Variants in PARD3B observed in about 807,000 individuals in gnomAD.
PARD3B encodes the protein partitioning defective 3 homolog B.
PARD3B carries 103 observed loss-of-function variants against 130.2 expected under a neutral mutation model. That is an observed-to-expected ratio of 0.79 (90% CI 0.67 to 0.93). The LOEUF is 0.93. Ranked by LOEUF, PARD3B falls within the 40% of genes least tolerant of loss-of-function variation. The probability of loss-of-function intolerance (pLI) is 0.00; values close to 1 mark genes in which losing one functional copy is unlikely to be tolerated. For synonymous variants in PARD3B, 583 were observed against 553.2 expected (o/e 1.05, Z -0.76); for missense variants, 1,609 against 1,499.2 (o/e 1.07, Z -1.21).
intron 3 of PARD3B, among the ~76,000 whole-genome samples, chr2:205,032,534 A>G (rs997030759): frequency 6.6e-6 from 1 of 152,120 alleles, no homozygotes; most frequent in South Asian, 2.1e-4. Context: ...TCTATACAGG[A>G]AAGAATCAGA....
intron 3 of PARD3B, among the ~76,000 whole-genome samples, chr2:205,005,206 A>C (rs1159245612): frequency 6.6e-6 from 1 of 152,046 alleles, no homozygotes; most frequent in Admixed American, 6.6e-5. Context: ...GAAAGTATAC[A>C]CACATGTACA....
chr2:205,492,100 C>A (rs558316872), intron 20 of PARD3B, among the ~76,000 whole-genome samples: 21 of 152,274 alleles, frequency 1.4e-4, no homozygotes, highest in Non-Finnish European at 2.8e-4. Context: ...CAAAGACACA[C>A]TTTTCAAAGT....
chr2:204,619,066 TCTGA>T (rs757609111), intron 1 of PARD3B, among the ~76,000 whole-genome samples: 1 of 152,204 alleles, frequency 6.6e-6, no homozygotes, highest in Non-Finnish European at 1.5e-5. Context: ...TGATTTTCTG[TCTGA>T]CTGTGCTCTT....
intron 2 of PARD3B, among the ~76,000 whole-genome samples, chr2:204,810,366 A>T (rs2042921424): frequency 6.6e-6 from 1 of 152,110 alleles, no homozygotes; most frequent in South Asian, 2.1e-4. Flanking sequence ...ATTCAGTATG[A>T]TGTTGGCTGT....
intron 21 of PARD3B, among the ~76,000 whole-genome samples, chr2:205,542,825 T>C (rs1301067106): frequency 6.6e-6 from 1 of 152,204 alleles, no homozygotes; most frequent in African/African-American, 2.4e-5. Context: ...AAATCTAAAT[T>C]GTTAGACTAT....
At chr2:205,482,074 C>G (rs917477161) in intron 20 of PARD3B, among the ~76,000 whole-genome samples, 12 of 152,032 alleles carry the variant, frequency 7.9e-5, no homozygotes, top group Non-Finnish European at 1.8e-4. Context: ...GCGAGCCACT[C>G]CGGGGATCAT....
chr2:204,577,515 A>C (rs534884108), intron 1 of PARD3B, among the ~76,000 whole-genome samples: 4 of 152,262 alleles, frequency 2.6e-5, no homozygotes, highest in Admixed American at 2.6e-4. Flanking sequence ...CTTCTGCTTC[A>C]GTACTTTCTC....
chr2:204,690,259 A>C (rs2037293320), intron 2 of PARD3B, among the ~76,000 whole-genome samples: 1 of 152,184 alleles, frequency 6.6e-6, no homozygotes, highest in African/African-American at 2.4e-5. Flanking sequence ...TACAGTAACT[A>C]CTTTTTTGCA....
At chr2:204,839,016 A>G (rs535823299) in intron 2 of PARD3B, among the ~76,000 whole-genome samples, 2 of 152,322 alleles carry the variant, frequency 1.3e-5, no homozygotes, top group South Asian at 2.1e-4. Flanking sequence ...AGTTAAAGTC[A>G]TATGCTACAC....
At chr2:205,428,127 A>G (rs1274634867) in intron 19 of PARD3B, among the ~76,000 whole-genome samples, 1 of 152,078 alleles carries the variant, frequency 6.6e-6, no homozygotes, top group Admixed American at 6.6e-5. Context: ...TCACACCTGT[A>G]ATCCCAGCAC....
At chr2:205,318,012 A>C (rs1285488878) in intron 18 of PARD3B, among the ~76,000 whole-genome samples, 5 of 152,148 alleles carry the variant, frequency 3.3e-5, no homozygotes, top group African/African-American at 1.2e-4. Context: ...TATAATTCAA[A>C]ACTCAAAAAA....
chr2:205,259,302 C>A (rs780629157), intron 16 of PARD3B, among the ~76,000 whole-genome samples: 4 of 152,136 alleles, frequency 2.6e-5, no homozygotes, highest in Non-Finnish European at 4.4e-5. Context: ...CTAATGATGA[C>A]ACTGTTTTGT....
In PARD3B at chr2:205,268,110, T is replaced by G. The variant is rs190695504; in HGVS notation, c.2185+22288T>G. 1.0e-3 allele frequency among the ~76,000 whole-genome samples: 157 copies of G among 152,284 alleles called. No homozygotes were observed. Among genetic ancestry groups the G allele is most frequent in the African/African-American group, 3.6e-3 (151 of 41,586 alleles). On this transcript the variant is annotated intron_variant, in intron 16 of 22. Coordinates refer to ENST00000406610, the MANE Select transcript of PARD3B (RefSeq NM_001302769.2). The surrounding 1 kb of genome is among the most constrained non-coding windows in gnomAD (Gnocchi z 4.1). ...TCATTCAACTCCTTGCCTTCTCCAA[T>G]GAGAAAGAATGCTGACACAGAAATG...
intron 12 of PARD3B, among the ~76,000 whole-genome samples, chr2:205,175,125 A>G (rs1240986817): frequency 6.6e-6 from 1 of 152,210 alleles, no homozygotes; most frequent in East Asian, 1.9e-4. Flanking sequence ...TACAGGCTGA[A>G]TACTTTAATT....
intron 1 of PARD3B, among the ~76,000 whole-genome samples, chr2:204,679,795 G>A (rs964710765): frequency 6.6e-6 from 1 of 151,462 alleles, no homozygotes; most frequent in African/African-American, 2.4e-5. Context: ...CATCCATTGT[G>A]GTGATCATTT....
At chr2:205,610,725 A>T (rs1453566179) in intron 22 of PARD3B, among the ~76,000 whole-genome samples, 3 of 152,208 alleles carry the variant, frequency 2.0e-5, no homozygotes, top group Non-Finnish European at 2.9e-5. Context: ...ATTTACAGTC[A>T]TTCTGTGTTG....
intron 2 of PARD3B, among the ~76,000 whole-genome samples, chr2:204,721,126 G>A (rs962306809): frequency 2.0e-5 from 3 of 152,172 alleles, no homozygotes; most frequent in African/African-American, 7.2e-5. Context: ...TAAGCTGCAG[G>A]CAAGTATACA....
At chr2:204,643,012 G>A (rs923183247) in intron 1 of PARD3B, among the ~76,000 whole-genome samples, 2 of 148,740 alleles carry the variant, frequency 1.3e-5, no homozygotes, top group Admixed American at 1.4e-4. Flanking sequence ...TACTCGGGAG[G>A]CTGAGGCAGG....
At chr2:205,014,208 C>T (rs928425897) in intron 3 of PARD3B, among the ~76,000 whole-genome samples, 2 of 152,174 alleles carry the variant, frequency 1.3e-5, no homozygotes, top group African/African-American at 4.8e-5. Context: ...ATCAACCTAA[C>T]TTCTTATGTC....
Sources: allele counts gnomAD v4.1 joint callset (sites outside exome capture counted in the v4.1 genomes callset), GRCh38; gene constraint gnomAD v4.1.1; non-coding constraint Gnocchi (gnomAD v3.1); transcripts MANE v1.5; gene names NCBI Gene and HGNC (gene_info 2026-07-23, HGNC 2026-07-21).